The following FOXN3 variants were observed in gnomAD, a reference collection of about 807,000 sequenced individuals.
The protein encoded by FOXN3 is forkhead box N3.
A neutral mutation model predicts 38.4 loss-of-function variants in FOXN3; 7 were observed. The observed-to-expected ratio is 0.18, with a 90% CI of 0.10 to 0.34. The LOEUF (loss-of-function observed/expected upper bound fraction) is 0.34. Ranked by LOEUF, FOXN3 falls within the 10% of genes least tolerant of loss-of-function variation. FOXN3 has a pLI of 1.00. For synonymous variants in FOXN3, 230 were observed against 242.2 expected, an observed-to-expected ratio of 0.95 and a Z score of 0.47; for missense variants, 456 against 613.4, an observed-to-expected ratio of 0.74 and a Z score of 2.71.
chr14:89,404,812 T>C lies in FOXN3; in HGVS notation c.543+7122A>G, dbSNP rs139159883. Among the ~76,000 whole-genome samples the C allele has an allele frequency of 2.1e-3, 324 of 152,156 alleles. 1 individual carries two copies. Among genetic ancestry groups the C allele is most frequent in the African/African-American group, 7.3e-3 (305 of 41,502 alleles). Reference sequence around the variant, plus strand: ...GGTCGAGGATGAAGAGGATTGTCACTTCACCCAGAGACCACAGAGGAGTCT... The same window carrying C: ...GGTCGAGGATGAAGAGGATTGTCACCTCACCCAGAGACCACAGAGGAGTCT... On this transcript the variant is annotated intron_variant, in intron 2 of 5. Transcript: ENST00000557258.
chr14:89,544,095 T>G (rs946236983), intron 1 of FOXN3, among the ~76,000 whole-genome samples: 2 of 152,048 alleles, frequency 1.3e-5, no homozygotes, highest in African/African-American at 4.8e-5. Flanking sequence ...AGAGATTGCT[T>G]TTTTTTGTTT....
In FOXN3 at chr14:89,162,360, C is replaced by A; in HGVS notation, c.*54G>T. On this transcript the variant is annotated 3_prime_UTR_variant, in exon 6 of 6. Coordinates refer to ENST00000557258, the MANE Select transcript of FOXN3 (RefSeq NM_005197.4). This position sits in a 1 kb window ranked among gnomAD's most constrained non-coding sequence, Gnocchi z 7.2. ...ATTGCCACAAATCATTAGAAATCTCCTGACATGCTGAAACCAAATGGTCGT... is the reference window on the plus strand; with the variant it reads ...ATTGCCACAAATCATTAGAAATCTCATGACATGCTGAAACCAAATGGTCGT... 1 of 1,408,838 alleles carries A rather than the reference C, an allele frequency of 7.1e-7. No individual in the cohort carries two copies. The highest frequency in any genetic ancestry group is 9.5e-7 in the Non-Finnish European group (1 of 1,054,068). The allele number at this position is 1,408,838 out of a possible 1,614,324, so 87.3% of individuals were successfully genotyped here.
At chr14:89,419,058 G>A (rs1891837732), upstream of FOXN3, 1 of 448,856 alleles carries the variant, frequency 2.2e-6, no homozygotes, top group Non-Finnish European at 4.5e-6. Flanking sequence ...AAAAAGAGGG[G>A]ATGTGAGCCA....
Position 89,487,379 on chromosome 14 carries a change from C to T in FOXN3, c.-14-74889G>A, listed in dbSNP as rs1053388428. On this transcript the variant is annotated intron_variant, in intron 1 of 6. Coordinates refer to the FOXN3 transcript ENST00000345097. ...AATGTTAGGAGTATATTAATTAGAT[C>T]GGCGGTTCCCAAACTGTGGGTCTTG... Among the ~76,000 whole-genome samples, 37 of 152,262 alleles carry T rather than the reference C, an allele frequency of 2.4e-4. 1 individual carries two copies. Among genetic ancestry groups the T allele is most frequent in the African/African-American group, 7.9e-4 (33 of 41,556 alleles).
intron 4 of FOXN3, among the ~76,000 whole-genome samples, chr14:89,211,160 C>T (rs1168295954): frequency 6.6e-6 from 1 of 152,244 alleles, no homozygotes; most frequent in East Asian, 1.9e-4. Context: ...TCACTCTACA[C>T]GTTTCACTGT....
chr14:89,572,264 T>C (rs182683386), intron 1 of FOXN3, among the ~76,000 whole-genome samples: 5 of 152,356 alleles, frequency 3.3e-5, no homozygotes, highest in African/African-American at 1.2e-4. Flanking sequence ...AGGTTTAATG[T>C]ACTCAGAGAA....
chr14:89,216,209 C>G (rs1884276052), intron 4 of FOXN3, among the ~76,000 whole-genome samples: 1 of 152,042 alleles, frequency 6.6e-6, no homozygotes, highest in Non-Finnish European at 1.5e-5. Flanking sequence ...GAGGAGGTAG[C>G]TCAAGGAGGA....
At chr14:89,454,419 A>G (rs1200350605) in intron 1 of FOXN3, among the ~76,000 whole-genome samples, 1 of 152,246 alleles carries the variant, frequency 6.6e-6, no homozygotes, top group African/African-American at 2.4e-5. Context: ...CCAGAACAGT[A>G]AGAAAAAAAT....
chr14:89,570,688 GT>G (rs11383658), intron 1 of FOXN3, among the ~76,000 whole-genome samples: 65 of 145,062 alleles, frequency 4.5e-4, no homozygotes, highest in South Asian at 1.1e-3. Flanking sequence ...TGCAATTTTG[GT>G]TTTTTTTTTT....
chr14:89,305,733 G>T (rs1217833083), intron 3 of FOXN3, among the ~76,000 whole-genome samples: 1 of 152,204 alleles, frequency 6.6e-6, no homozygotes, highest in African/African-American at 2.4e-5. Context: ...TTATATTTAT[G>T]AAGGATTTGG....
intron 4 of FOXN3, among the ~76,000 whole-genome samples, chr14:89,245,800 G>T (rs956541057): frequency 6.6e-6 from 1 of 152,108 alleles, no homozygotes; most frequent in Admixed American, 6.6e-5. Context: ...AACTCCTGAG[G>T]ACACGCAGCC....
chr14:89,247,874 T>C (rs1304921017), intron 4 of FOXN3, among the ~76,000 whole-genome samples: 1 of 152,256 alleles, frequency 6.6e-6, no homozygotes, highest in East Asian at 1.9e-4. Context: ...ATTCCTGTCC[T>C]ACCACTGTTT....
intron 1 of FOXN3, among the ~76,000 whole-genome samples, chr14:89,585,390 G>A (rs965200367): frequency 6.6e-6 from 1 of 152,078 alleles, no homozygotes; most frequent in Non-Finnish European, 1.5e-5. Flanking sequence ...CTACTTATTT[G>A]TTGTTGTTTT....
intron 2 of FOXN3, among the ~76,000 whole-genome samples, chr14:89,391,294 C>A (rs925682523): frequency 2.0e-5 from 3 of 152,186 alleles, no homozygotes; most frequent in Non-Finnish European, 2.9e-5. Flanking sequence ...ATGGAGGACA[C>A]CTGACAAAAG....
At chr14:89,189,940 C>G (rs1887902422) in intron 4 of FOXN3, among the ~76,000 whole-genome samples, 1 of 152,294 alleles carries the variant, frequency 6.6e-6, no homozygotes. Flanking sequence ...AGACTCTTCT[C>G]CAAAATGGCA....
chr14:89,192,146 C>T (rs1369090931), intron 4 of FOXN3, among the ~76,000 whole-genome samples: 1 of 146,210 alleles, frequency 6.8e-6, no homozygotes, highest in African/African-American at 2.5e-5. Flanking sequence ...AAACAGTCAC[C>T]ATTTCCCACT....
chr14:89,311,105 TAA>T (rs10646875), intron 3 of FOXN3, among the ~76,000 whole-genome samples: 6 of 110,352 alleles, frequency 5.4e-5, no homozygotes, highest in Admixed American at 9.4e-5. Flanking sequence ...AAACTCCGTC[TAA>T]AAAAAAAAAA....
chr14:89,564,209 G>A (rs1895303399), intron 1 of FOXN3, among the ~76,000 whole-genome samples: 1 of 151,836 alleles, frequency 6.6e-6, no homozygotes, highest in Non-Finnish European at 1.5e-5. Flanking sequence ...TAAGGAGAAA[G>A]GATCATTGTG....
At chr14:89,566,358 C>T (rs912900765) in intron 1 of FOXN3, among the ~76,000 whole-genome samples, 1 of 152,058 alleles carries the variant, frequency 6.6e-6, no homozygotes, top group Non-Finnish European at 1.5e-5. Flanking sequence ...TGCCAGCTCA[C>T]GCTGGGTAGA....
Sources: allele counts gnomAD v4.1 joint callset (sites outside exome capture counted in the v4.1 genomes callset), GRCh38; gene constraint gnomAD v4.1.1; non-coding constraint Gnocchi (gnomAD v3.1); transcripts MANE v1.5; gene names NCBI Gene and HGNC (gene_info 2026-07-23, HGNC 2026-07-21).